DLGAP4: variants seen among roughly 807,000 people sequenced by gnomAD.
DLGAP4 encodes DLG associated protein 4, also known as disks large-associated protein 4.
In DLGAP4, 18 loss-of-function variants were observed where a neutral mutation model predicts 86.9. The observed-to-expected ratio is 0.21, with a 90% confidence interval of 0.14 to 0.31. DLGAP4 has a LOEUF of 0.31. DLGAP4 is among the 10% of genes least tolerant of loss of function. DLGAP4 has a pLI of 1.00. For synonymous variants in DLGAP4, 548 were observed against 574.3 expected (o/e 0.95, Z 0.65); for missense variants, 1,085 against 1,362.6 (o/e 0.80, Z 3.21).
chr20:36,477,389 C>G (rs143766246), intron 7 of DLGAP4, among the ~76,000 whole-genome samples: 1,953 of 152,344 alleles, frequency 0.013, 47 homozygotes, highest in African/African-American at 0.044. Flanking sequence ...GCCACCATGC[C>G]CAGGCAATTC....
At chr20:36,355,835 C>T (rs560716368) in intron 1 of DLGAP4, among the ~76,000 whole-genome samples, 34 of 152,314 alleles carry the variant, frequency 2.2e-4, no homozygotes, top group African/African-American at 6.5e-4. Flanking sequence ...CTCCCTTTTC[C>T]ATCCCACCAG....
chr20:36,358,678 G>T (rs1569470477), intron 1 of DLGAP4, among the ~76,000 whole-genome samples: 1 of 152,078 alleles, frequency 6.6e-6, no homozygotes. Flanking sequence ...TGTGGTGGTG[G>T]ACGCCTGTAG....
At chr20:36,321,185 C>T (rs1052587363) in intron 1 of DLGAP4, among the ~76,000 whole-genome samples, 1 of 152,204 alleles carries the variant, frequency 6.6e-6, no homozygotes, top group Non-Finnish European at 1.5e-5. Flanking sequence ...GTGGTCCAAG[C>T]TGACACCCGT....
At chr20:36,526,112 T>A (rs543691736) in intron 12 of DLGAP4, 106 bp downstream of exon 12, 1 of 1,538,500 alleles carries the variant, frequency 6.5e-7, no homozygotes, top group East Asian at 2.3e-5. Context: ...CCGTGTGTCG[T>A]CTTTGAGCTG....
Position 36,436,253 on chromosome 20 carries a change from G to A in DLGAP4, c.1144G>A (p.Gly382Ser). The A allele has an allele frequency of 1.0e-5, 16 of 1,605,752 alleles. No homozygotes were observed. Among genetic ancestry groups the A allele is most frequent in the Non-Finnish European group, 1.3e-5 (15 of 1,179,476 alleles). ...GGGCGACGAGGACAGCGACGAGTCC[G>A]GCGGCAGCCCCAAGCCCTCACCCAA... ...AMGDEDSDES[G>S]GSPKPSPKTA... Residue 382 changes from glycine (G) to serine (S), a missense_variant, in exon 4 of 13, where the codon GGC (glycine) becomes AGC (serine). Transcript: ENST00000339266.
At chr20:36,317,265 T>TTC (rs2065113220) in intron 1 of DLGAP4, among the ~76,000 whole-genome samples, 4 of 45,644 alleles carry the variant, frequency 8.8e-5, no homozygotes, top group Non-Finnish European at 1.5e-4. Flanking sequence ...CTTTCTTTCT[T>TTC]TCTTTCTTTC....
chr20:36,503,538 A>G (rs1241951207), intron 10 of DLGAP4, among the ~76,000 whole-genome samples: 1 of 120,648 alleles, frequency 8.3e-6, no homozygotes, highest in African/African-American at 3.3e-5. Context: ...TCCAGGCTGG[A>G]GTGCAGTGGC....
At chr20:36,466,276 C>T (rs904853005) in intron 7 of DLGAP4, among the ~76,000 whole-genome samples, 1 of 152,160 alleles carries the variant, frequency 6.6e-6, no homozygotes, top group South Asian at 2.1e-4. Flanking sequence ...TCTGTACCTC[C>T]GTTTTCCTCC....
At chr20:36,340,596 G>A (rs1406320018) in intron 1 of DLGAP4, among the ~76,000 whole-genome samples, 1 of 152,118 alleles carries the variant, frequency 6.6e-6, no homozygotes, top group Non-Finnish European at 1.5e-5. Flanking sequence ...TTGTGACCAG[G>A]GAAATGGCCA....
At chr20:36,425,149 T>C (rs1014440529) in intron 2 of DLGAP4, among the ~76,000 whole-genome samples, 5 of 152,082 alleles carry the variant, frequency 3.3e-5, no homozygotes, top group African/African-American at 7.2e-5. Context: ...AAAGACAGAA[T>C]GGGAGAAAAT....
At chr20:36,341,957 C>T (rs2065387782) in intron 1 of DLGAP4, among the ~76,000 whole-genome samples, 1 of 152,200 alleles carries the variant, frequency 6.6e-6, no homozygotes, top group Non-Finnish European at 1.5e-5. Flanking sequence ...ACTTTCTCCT[C>T]ATTTCTTTGA....
At chr20:36,525,784 G>T (rs946597248) in intron 11 of DLGAP4, 67 bp from the exon 12 acceptor site, 31 of 1,590,826 alleles carry the variant, frequency 1.9e-5, no homozygotes, top group Non-Finnish European at 2.6e-5. Flanking sequence ...CCTGCTTGTT[G>T]GGGGGTTGGG....
chr20:36,436,609 G>A (rs1422162127), intron 4 of DLGAP4, among the ~76,000 whole-genome samples: 1 of 152,166 alleles, frequency 6.6e-6, no homozygotes, highest in Non-Finnish European at 1.5e-5. Flanking sequence ...TTGAGGTCAG[G>A]ATTTCAAGAC....
chr20:36,497,408 G>A (rs1390876673), intron 8 of DLGAP4: 11 of 1,145,182 alleles, frequency 9.6e-6, no homozygotes, highest in East Asian at 5.7e-5. Context: ...CAGCTGACCC[G>A]TGGGAGGCGG....
chr20:36,348,488 G>A (rs555826181), intron 1 of DLGAP4, among the ~76,000 whole-genome samples: 17 of 151,726 alleles, frequency 1.1e-4, no homozygotes, highest in East Asian at 5.9e-4. Context: ...GCGCGATCTC[G>A]GCTCACTGCA....
intron 4 of DLGAP4, among the ~76,000 whole-genome samples, chr20:36,438,251 A>G (rs983407786): frequency 1.6e-4 from 24 of 151,950 alleles, no homozygotes; most frequent in Non-Finnish European, 7.4e-5. Context: ...GTGCATGCCT[A>G]TAATCCCAGC....
chr20:36,392,419 T>C (rs1343497372), intron 2 of DLGAP4, among the ~76,000 whole-genome samples: 1 of 152,170 alleles, frequency 6.6e-6, no homozygotes, highest in Non-Finnish European at 1.5e-5. Flanking sequence ...TCTTCCAGGC[T>C]GGAGTACAAT....
intron 1 of DLGAP4, among the ~76,000 whole-genome samples, chr20:36,349,411 C>G (rs2030065254): frequency 6.7e-6 from 1 of 149,864 alleles, no homozygotes; most frequent in Non-Finnish European, 1.5e-5. Flanking sequence ...GAGCAAGACT[C>G]CATCTCCAAA....
chr20:36,352,752 G>A (rs190373256), intron 1 of DLGAP4, among the ~76,000 whole-genome samples: 1 of 152,104 alleles, frequency 6.6e-6, no homozygotes, highest in African/African-American at 2.4e-5. Context: ...GGGAGGCCAG[G>A]CTGGATGTGC....
Sources: gnomAD v4.1 joint callset for allele counts (sites outside exome capture counted in the v4.1 genomes callset) on GRCh38, gnomAD v4.1.1 for gene constraint, MANE v1.5 for transcripts, NCBI Gene and HGNC (gene_info 2026-07-23, HGNC 2026-07-21) for gene names.